EPHB2: variants seen among roughly 807,000 people sequenced by gnomAD.
The protein encoded by EPHB2 is ephrin type-B receptor 2.
A neutral mutation model predicts 96.4 loss-of-function variants in EPHB2; 18 were observed. The ratio of observed to expected loss-of-function variants is 0.19; its 90% CI spans 0.13 to 0.28. EPHB2 has a LOEUF of 0.28. EPHB2 is among the 10% of genes least tolerant of loss of function. The pLI, the probability that EPHB2 is intolerant of heterozygous loss-of-function variation, is 1.00. For synonymous variants in EPHB2, 506 were observed against 534.1 expected, an observed-to-expected ratio of 0.95 and a Z score of 0.72; for missense variants, 989 against 1,355.4, an observed-to-expected ratio of 0.73 and a Z score of 4.25.
chr1:22,848,254 C>T (rs146861657), intron 3 of EPHB2, among the ~76,000 whole-genome samples: 377 of 152,230 alleles, frequency 2.5e-3, no homozygotes, highest in African/African-American at 8.3e-3. Context: ...TTTTCCAGGA[C>T]AAGTAGGCCT....
intron 1 of EPHB2, among the ~76,000 whole-genome samples, chr1:22,757,195 G>A (rs895754710): frequency 6.6e-6 from 1 of 152,084 alleles, no homozygotes; most frequent in African/African-American, 2.4e-5. Flanking sequence ...AGGGTGCTCA[G>A]GGTTTGGGTG....
intron 1 of EPHB2, among the ~76,000 whole-genome samples, chr1:22,714,225 C>T (rs969619373): frequency 2.0e-5 from 3 of 152,092 alleles, no homozygotes; most frequent in Non-Finnish European, 4.4e-5. Context: ...AGGCTGTGAA[C>T]CCCCCGGGGC....
chr1:22,906,654 G>A lies in EPHB2; in HGVS notation c.1889-56G>A. 1.9e-6 allele frequency: 3 copies of A among 1,612,166 alleles called. No homozygotes were observed. Among genetic ancestry groups the A allele is most frequent in the Non-Finnish European group, 1.7e-6 (2 of 1,179,564 alleles). ...GAGTGGACATGACAGGGAACAGGAA[G>A]GTGGCCCTTCCACCTGGCAAGTGAC... is the stretch of plus-strand genomic sequence containing the variant. On this transcript the variant is annotated intron_variant, in intron 10 of 15. Transcript: ENST00000374630. This position sits in a 1 kb window ranked among gnomAD's most constrained non-coding sequence, Gnocchi z 4.8.
rs571603129 is a variant in EPHB2 at position 22,790,433 on chromosome 1, T to C, written c.811+5357T>C. Among the ~76,000 whole-genome samples, 1 of 152,292 alleles carries C rather than the reference T, an allele frequency of 6.6e-6. No homozygotes were observed. Among genetic ancestry groups the C allele is most frequent in the African/African-American group, 2.4e-5 (1 of 41,568 alleles). On this transcript the variant is annotated intron_variant, in intron 3 of 15. Transcript: ENST00000374630. The surrounding 1 kb of genome is among the most constrained non-coding windows in gnomAD (Gnocchi z 4.0). ...TGGGGCTTCCTGCCAGCAGGTCTGCTGGGAGTGGCAGAAGGTGTCCCTGGA... is the reference window on the plus strand; with the variant it reads ...TGGGGCTTCCTGCCAGCAGGTCTGCCGGGAGTGGCAGAAGGTGTCCCTGGA...
intron 1 of EPHB2, among the ~76,000 whole-genome samples, chr1:22,739,216 G>GTTTT (rs1327114130): frequency 1.3e-4 from 20 of 151,000 alleles, no homozygotes; most frequent in African/African-American, 4.6e-4. Flanking sequence ...AATTCTTTTT[G>GTTTT]TTTTTTTTCT....
At chr1:22,903,779 A>C (rs1188274927) in intron 9 of EPHB2, among the ~76,000 whole-genome samples, 2 of 152,146 alleles carry the variant, frequency 1.3e-5, no homozygotes, top group African/African-American at 4.8e-5. Flanking sequence ...TCAGCCCTAT[A>C]GACATTGAGT....
At chr1:22,759,532 G>T (rs950208220) in intron 1 of EPHB2, among the ~76,000 whole-genome samples, 1 of 152,136 alleles carries the variant, frequency 6.6e-6, no homozygotes, top group Non-Finnish European at 1.5e-5. Flanking sequence ...AGGCCCTCAG[G>T]GAGGCTCTGA....
At chr1:22,819,654 T>C (rs1249997133) in intron 3 of EPHB2, among the ~76,000 whole-genome samples, 2 of 152,024 alleles carry the variant, frequency 1.3e-5, no homozygotes, top group Non-Finnish European at 2.9e-5. Flanking sequence ...GTCGTCACTG[T>C]CCCTGGAGAG....
chr1:22,867,012 C>T (rs949261495), intron 5 of EPHB2, among the ~76,000 whole-genome samples: 4 of 152,192 alleles, frequency 2.6e-5, no homozygotes, highest in African/African-American at 7.2e-5. Context: ...TCACTGCATC[C>T]TTGTGGCCTC....
rs1199470295 is a variant in EPHB2 at position 22,906,419 on chromosome 1, T to C, written c.1889-291T>C. Among the ~76,000 whole-genome samples the C allele has an allele frequency of 2.0e-5, 3 of 152,110 alleles. No homozygotes were observed. The highest frequency in any genetic ancestry group is 2.9e-5 in the Non-Finnish European group (2 of 68,024). ...CCAGTGCTTTTCCTTCCTCCCCCCA[T>C]GTATCCCAGTGCCTTTTCCCATCTC... On this transcript the variant is annotated intron_variant, in intron 10 of 15. Coordinates refer to ENST00000374630, the MANE Select transcript of EPHB2 (RefSeq NM_017449.5). This position sits in a 1 kb window ranked among gnomAD's most constrained non-coding sequence, Gnocchi z 4.8.
chr1:22,808,857 C>CTCCA (rs1644965497), intron 3 of EPHB2, among the ~76,000 whole-genome samples: 1 of 152,238 alleles, frequency 6.6e-6, no homozygotes, highest in African/African-American at 2.4e-5. Flanking sequence ...AGGAACCTCA[C>CTCCA]TCCAGAGTCA....
At chr1:22,792,069 AG>A (rs1644701624) in intron 3 of EPHB2, among the ~76,000 whole-genome samples, 1 of 152,092 alleles carries the variant, frequency 6.6e-6, no homozygotes, top group African/African-American at 2.4e-5. Context: ...TTCCCAGCCA[AG>A]GGAGGGAGGG....
intron 7 of EPHB2, 59 bp from the exon 8 acceptor site, chr1:22,895,413 C>A: frequency 6.5e-7 from 1 of 1,528,516 alleles, no homozygotes; most frequent in Non-Finnish European, 9.1e-7. Context: ...GGGTAGGGGA[C>A]AAGGGTATTA....
rs774876763 is a variant in EPHB2, at chr1:22,910,499, G to A, written c.2620G>A (p.Gly874Ser). 1.4e-5 allele frequency: 23 copies of A among 1,612,852 alleles called. No individual in the cohort carries two copies. The highest frequency in any genetic ancestry group is 5.5e-5 in the South Asian group (5 of 91,082). ...QKDRNHRPKF[G>S]QIVNTLDKMI... is the part of the protein sequence containing the mutation. ...GGACCGCAACCACCGGCCCAAGTTC[G>A]GCCAAATTGTCAACACGCTAGACAA... is the stretch of plus-strand genomic sequence containing the variant. The change falls in exon 14 of 16, where the codon GGC (glycine) becomes AGC (serine). Residue 874 changes from glycine to serine, a missense_variant. Physicochemically the swap from Gly to Ser is moderately conservative, Grantham distance 56. Transcript: ENST00000374630.
At position 22,912,530 on chromosome 1, in the gene EPHB2, G is replaced by A. The variant is rs1411916869; in HGVS notation, c.2783G>A (p.Gly928Glu). 1.2e-6 allele frequency: 2 copies of A among 1,614,098 alleles called. No individual in the cohort carries two copies. The highest frequency in any genetic ancestry group is 8.5e-7 in the Non-Finnish European group (1 of 1,180,040). Residue 928 changes from glycine (G) to glutamate (E), a missense_variant, in exon 15 of 16, where the codon GGG (glycine) becomes GAG (glutamate). Transcript: ENST00000374630. ...GAGTGGCTGGAGGCCATCAAGATGG[G>A]GCAGTACAAGGAGAGCTTCGCCAAT... Reference protein sequence around the residue: ...VDEWLEAIKMGQYKESFANAG... With the variant: ...VDEWLEAIKMEQYKESFANAG...
chr1:22,738,932 TACCAGC>T (rs1643872122), intron 1 of EPHB2, among the ~76,000 whole-genome samples: 1 of 152,192 alleles, frequency 6.6e-6, no homozygotes, highest in Non-Finnish European at 1.5e-5. Context: ...TTGGGGAGGA[TACCAGC>T]AGTGAGCTAG....
intron 3 of EPHB2, among the ~76,000 whole-genome samples, chr1:22,786,772 AG>A (rs1190890696): frequency 3.3e-5 from 5 of 152,250 alleles, no homozygotes; most frequent in African/African-American, 1.2e-4. Context: ...GAAGGAAGAC[AG>A]GATGGAAAGG....
intron 1 of EPHB2, among the ~76,000 whole-genome samples, chr1:22,763,912 AGT>A (rs1644269968): frequency 6.6e-6 from 1 of 152,098 alleles, no homozygotes; most frequent in Non-Finnish European, 1.5e-5. Context: ...TCATCCCCAA[AGT>A]GTGTCATTCC....
intron 1 of EPHB2, among the ~76,000 whole-genome samples, chr1:22,750,274 C>T (rs1016731561): frequency 2.0e-5 from 3 of 152,092 alleles, no homozygotes; most frequent in African/African-American, 4.8e-5. Flanking sequence ...GTGGCTGGGG[C>T]AGTAGAAGGA....
Sources: gnomAD v4.1 joint callset for allele counts (sites outside exome capture counted in the v4.1 genomes callset) on GRCh38, gnomAD v4.1.1 for gene constraint, Gnocchi (gnomAD v3.1) non-coding constraint, MANE v1.5 for transcripts, NCBI Gene and HGNC (gene_info 2026-07-23, HGNC 2026-07-21) for gene names.